Variants in ZNF493 observed in about 807,000 individuals in gnomAD.
ZNF493 encodes zinc finger protein 493.
A neutral mutation model predicts 12.2 loss-of-function variants in ZNF493; 11 were observed. That is an observed-to-expected ratio of 0.90 (90% CI 0.57 to 1.50). The LOEUF (loss-of-function observed/expected upper bound fraction) is 1.50, where lower values mean the gene tolerates loss of function less well. Among genes scored for constraint, ZNF493 ranks in the 40% most tolerant of loss-of-function variants. ZNF493 has a pLI of 0.00. For synonymous variants in ZNF493, 286 were observed against 302.6 expected (o/e 0.95, Z 0.57); for missense variants, 950 against 906.6 (o/e 1.05, Z -0.61).
intron 1 of ZNF493, among the ~76,000 whole-genome samples, chr19:21,403,121 A>G (rs1230030094): frequency 2.0e-5 from 3 of 152,250 alleles, no homozygotes; most frequent in South Asian, 2.1e-4. Context: ...TCGGGATTAC[A>G]TGGCCAATTT....
chr19:21,402,369 C>T (rs1291251800), intron 1 of ZNF493, among the ~76,000 whole-genome samples: 1 of 152,156 alleles, frequency 6.6e-6, no homozygotes, highest in Non-Finnish European at 1.5e-5. Flanking sequence ...TATCATTGTT[C>T]CAAGGTTATA....
chr19:21,424,850 CAT>C lies in ZNF493; in HGVS notation c.2193_2194del (p.His731GlnfsTer13), dbSNP rs760536768. ...TAACCATTCCTCAAACCTTATTAAA[CAT>C]AAGCTAATTCATACTGGAGACAAAC... ...AFNHSSNLIK[H>X]KLIHTGDKPY... On this transcript the variant is annotated frameshift_variant, in exon 4 of 4. Transcript: ENST00000392288. LOFTEE classifies it low-confidence loss of function (END_TRUNC). 1 of 1,613,206 alleles carries C rather than the reference CAT, an allele frequency of 6.2e-7. No individual in the cohort carries two copies. The highest frequency in any genetic ancestry group is 1.7e-5 in the Admixed American group (1 of 59,942).
At chr19:21,410,236 A>G (rs2030280522) in intron 3 of ZNF493, among the ~76,000 whole-genome samples, 1 of 151,922 alleles carries the variant, frequency 6.6e-6, no homozygotes, top group South Asian at 2.1e-4. Flanking sequence ...AAATTCATAA[A>G]TGGGATTGCT....
intron 3 of ZNF493, chr19:21,408,399 G>A (rs968327790): frequency 1.0e-6 from 1 of 979,542 alleles, no homozygotes. Flanking sequence ...TGGGTGCTGG[G>A]ATTACAGACG....
Position 21,424,365 on chromosome 19 carries a change from G to C in ZNF493, c.1706G>C (p.Gly569Ala), listed in dbSNP as rs779212727. The part of the protein sequence containing the change: ...HLTTHKRIHT[G>A]HKPYKCKECG... ...ACTACACATAAGAGAATTCATACTG[G>C]ACACAAACCCTACAAATGTAAAGAA... Residue 569 changes from glycine to alanine, a missense_variant, in exon 4 of 4, where the codon GGA becomes GCA. Coordinates refer to ENST00000392288, the MANE Select transcript of ZNF493 (RefSeq NM_001076678.3). 3.7e-6 allele frequency: 6 copies of C among 1,608,518 alleles called. No homozygotes were observed. The highest frequency in any genetic ancestry group is 5.1e-6 in the Non-Finnish European group (6 of 1,178,342).
Position 21,423,077 on chromosome 19 carries a change from A to G in ZNF493, c.418A>G (p.Asn140Asp), listed in dbSNP as rs369268199. The G allele has an allele frequency of 1.2e-6, 2 of 1,613,644 alleles. No homozygotes were observed. Among genetic ancestry groups the G allele is most frequent in the African/African-American group, 2.7e-5 (2 of 74,894 alleles). ...NECNVHKEGY[N>D]ELNQYLTTTQ... ...GTGTAATGTGCACAAAGAAGGTTAT[A>G]ATGAACTAAACCAGTATTTGACAAC... is the stretch of plus-strand genomic sequence containing the variant. The change falls in exon 4 of 4, where the codon AAT becomes GAT. Residue 140 changes from asparagine (N) to aspartate (D), a missense_variant. Transcript: ENST00000392288.
At position 21,423,823 on chromosome 19, in the gene ZNF493, T is replaced by C; in HGVS notation, c.1164T>C (p.Ile388=). 1 of 1,550,112 alleles carries C rather than the reference T, an allele frequency of 6.5e-7. No individual in the cohort carries two copies. Among genetic ancestry groups the C allele is most frequent in the Non-Finnish European group, 8.7e-7 (1 of 1,150,300 alleles). ...KCEECGKAFS[I]FSTLTKHKII... is the part of the protein sequence containing the mutation. Reference sequence around the variant, plus strand: ...AAGAATGTGGCAAAGCCTTTAGTATTTTCTCAACCCTTACTAAACATAAGA... The same window carrying C: ...AAGAATGTGGCAAAGCCTTTAGTATCTTCTCAACCCTTACTAAACATAAGA... Residue 388 remains isoleucine, a synonymous_variant, in exon 4 of 4, where the codon ATT becomes ATC. Transcript: ENST00000392288.
chr19:21,421,367 A>G (rs2030674636), intron 3 of ZNF493, among the ~76,000 whole-genome samples: 1 of 150,960 alleles, frequency 6.6e-6, no homozygotes, highest in African/African-American at 2.4e-5. Context: ...TCAAATTTTT[A>G]TTTTATTTTA....
rs1169885727 is a variant in ZNF493, at chr19:21,405,151, T to A, written c.53T>A (p.Val18Glu). ...LDMGPLTFRDVAIEFSLEEWQ... is the reference protein window; with the variant it reads ...LDMGPLTFRDEAIEFSLEEWQ... ...CAGGGGCCGTTGACATTTAGGGATG[T>A]GGCCATAGAATTCTCTCTGGAGGAG... The change falls in exon 2 of 4, where the codon GTG (valine) becomes GAG (glutamate). Residue 18 changes from valine (V) to glutamate (E), a missense_variant. Transcript: ENST00000392288. The A allele has an allele frequency of 6.2e-7, 1 of 1,613,982 alleles. No individual in the cohort carries two copies. The highest frequency in any genetic ancestry group is 2.2e-5 in the East Asian group (1 of 44,862).
chr19:21,427,264 G>A lies in ZNF493; in HGVS notation c.*2280G>A, dbSNP rs576455534. On this transcript the variant is annotated 3_prime_UTR_variant, in exon 4 of 4. Coordinates refer to ENST00000392288, the MANE Select transcript of ZNF493 (RefSeq NM_001076678.3). ...ATTCTTTTGCATTATGAGAAAACTAGTATATTATTCATATATTTTACTAAT... is the reference window on the plus strand; with the variant it reads ...ATTCTTTTGCATTATGAGAAAACTAATATATTATTCATATATTTTACTAAT... The A allele has an allele frequency of 4.2e-5, 7 of 166,734 alleles. No individual in the cohort carries two copies. In the South Asian group the frequency reaches 1.5e-3, roughly 35 times the overall value. The allele number at this position is 166,734 out of a possible 1,614,324, so 10.3% of individuals were successfully genotyped here.
chr19:21,419,833 A>G (rs1282660058), intron 3 of ZNF493, among the ~76,000 whole-genome samples: 2 of 152,140 alleles, frequency 1.3e-5, no homozygotes, highest in East Asian at 3.9e-4. Context: ...CACATTGTAC[A>G]TTGTCCTGCT....
intron 3 of ZNF493, chr19:21,408,709 T>G (rs907000230): frequency 1.0e-6 from 1 of 985,182 alleles, no homozygotes; most frequent in Admixed American, 6.2e-5. Context: ...TTTTTGGTTA[T>G]GTATTATAAT....
At chr19:21,404,977 T>C in intron 1 of ZNF493, 152 bp from the exon 2 acceptor site, 1 of 1,334,004 alleles carries the variant, frequency 7.5e-7, no homozygotes, top group Non-Finnish European at 1.0e-6. Context: ...TAGAGAATAT[T>C]TCTGTGTTGA....
chr19:21,407,076 G>A (rs562966332), intron 3 of ZNF493, among the ~76,000 whole-genome samples: 1 of 151,742 alleles, frequency 6.6e-6, no homozygotes, highest in Non-Finnish European at 1.5e-5. Context: ...TTGGCTGCAC[G>A]GTGGCTGGGG....
Position 21,404,667 on chromosome 19 carries a change from A to G in ZNF493, c.31-462A>G, listed in dbSNP as rs868759899. Among the ~76,000 whole-genome samples, 6 of 152,354 alleles carry G rather than the reference A, an allele frequency of 3.9e-5. No individual in the cohort carries two copies. In the South Asian group the frequency reaches 6.2e-4, roughly 16 times the overall value. ...CTGGGCCAAACACATTGGCATTACT[A>G]GTGAACTTGTTAGAAATTCAGAAAC... On this transcript the variant is annotated intron_variant, in intron 1 of 3. Coordinates refer to ENST00000392288, the MANE Select transcript of ZNF493 (RefSeq NM_001076678.3).
At chr19:21,418,095 G>C (rs1387056237) in intron 3 of ZNF493, among the ~76,000 whole-genome samples, 3 of 152,178 alleles carry the variant, frequency 2.0e-5, no homozygotes, top group Non-Finnish European at 4.4e-5. Context: ...ACTAAGAGCA[G>C]TTGCTCGAGG....
Position 21,397,564 on chromosome 19 carries a change from G to A in ZNF493, c.30+297G>A, listed in dbSNP as rs1033884002. 2.8e-5 allele frequency: 16 copies of A among 575,412 alleles called. 1 individual carries two copies. The East Asian group carries it at 4.5e-4, about 16-fold the overall frequency. 35.6% of individuals were successfully genotyped at this position (575,412 alleles called of 1,614,324 possible). A position where few individuals can be genotyped will look rare whatever the true frequency, so the allele number is the denominator to read the frequency against. ...TTTCTCAGATTGTGCGGGGACCACGGGAGGGTCATCAGGGGAGAATCCTGA... is the reference window on the plus strand; with the variant it reads ...TTTCTCAGATTGTGCGGGGACCACGAGAGGGTCATCAGGGGAGAATCCTGA... On this transcript the variant is annotated intron_variant, in intron 1 of 3. Transcript: ENST00000392288.
rs190608187 is a variant in ZNF493, at chr19:21,423,232, T to C, written c.573T>C (p.Phe191=). 9.9e-6 allele frequency: 16 copies of C among 1,613,888 alleles called. No individual in the cohort carries two copies. Among genetic ancestry groups the C allele is most frequent in the Admixed American group, 3.3e-5 (2 of 60,010 alleles). ...AATGTAAAAAATGTGGCAAATCATTTTGCATGCTTTTACACCTATGTCAGC... is the reference window on the plus strand; with the variant it reads ...AATGTAAAAAATGTGGCAAATCATTCTGCATGCTTTTACACCTATGTCAGC... ...PFKCKKCGKS[F]CMLLHLCQHK... is the part of the protein sequence containing the mutation. Residue 191 remains phenylalanine, a synonymous_variant, in exon 4 of 4, where the codon TTT becomes TTC. Transcript: ENST00000392288.
At chr19:21,403,612 G>T (rs913942311) in intron 1 of ZNF493, among the ~76,000 whole-genome samples, 3 of 151,818 alleles carry the variant, frequency 2.0e-5, no homozygotes, top group African/African-American at 7.3e-5. Flanking sequence ...TCCAGAGAAT[G>T]TCATCTGAAA....
Sources: gnomAD v4.1 joint callset for allele counts (sites outside exome capture counted in the v4.1 genomes callset) on GRCh38, gnomAD v4.1.1 for gene constraint, MANE v1.5 for transcripts, NCBI Gene and HGNC (gene_info 2026-07-23, HGNC 2026-07-21) for gene names.